PTPRB: variants seen among roughly 807,000 people sequenced by gnomAD.
PTPRB encodes receptor-type tyrosine-protein phosphatase beta.
In PTPRB, 97 loss-of-function variants were observed where a neutral mutation model predicts 238.1. The ratio of observed to expected loss-of-function variants is 0.41; its 90% CI spans 0.35 to 0.48. The LOEUF is 0.48. Ranked by LOEUF, PTPRB falls within the 20% of genes least tolerant of loss-of-function variation. The pLI is 0.30. For missense variants in PTPRB, 2,292 were observed against 2,681.9 expected (o/e 0.85, Z 3.21); for synonymous variants, 970 against 995.4 (o/e 0.97, Z 0.48).
intron 16 of PTPRB, 40 bp downstream of exon 16, chr12:70,562,804 A>G (rs1878666200): frequency 3.1e-6 from 5 of 1,596,976 alleles, no homozygotes; most frequent in African/African-American, 1.3e-5. Context: ...TACCGGGACA[A>G]TTCCCCCACG....
At position 70,525,772 on chromosome 12, in the gene PTPRB, G is replaced by A. The variant is rs570404107; in HGVS notation, c.6505-1181C>T. 4.6e-5 allele frequency among the ~76,000 whole-genome samples: 7 copies of A among 152,346 alleles called. No homozygotes were observed. The East Asian group carries it at 1.4e-3, about 29-fold the overall frequency. On this transcript the variant is annotated intron_variant, in intron 32 of 33. Coordinates refer to ENST00000334414, the MANE Select transcript of PTPRB (RefSeq NM_001109754.4). The stretch of plus-strand genomic sequence containing the variant: ...CCCTTGCTGAGCAACTGCTCAGAGG[G>A]AGTTGTGAGCAGTGAAGGAGACTGG...
intron 20 of PTPRB, 140 bp from the exon 21 acceptor site, chr12:70,553,160 G>T: frequency 9.5e-7 from 1 of 1,055,804 alleles, no homozygotes; most frequent in African/African-American, 1.6e-5. Context: ...CAATCTCAAA[G>T]AACGATGTGA....
chr12:70,551,138 C>T (rs1365048915), intron 21 of PTPRB, among the ~76,000 whole-genome samples: 2 of 152,156 alleles, frequency 1.3e-5, no homozygotes, highest in African/African-American at 4.8e-5. Context: ...TCAAGTGATT[C>T]GCCCACCTCG....
intron 33 of PTPRB, among the ~76,000 whole-genome samples, 194 bp downstream of exon 33, chr12:70,524,273 ATTTT>A (rs35772909): frequency 0.11 from 16,261 of 142,068 alleles, 1,218 homozygotes; most frequent in South Asian, 0.21. Context: ...ATGTCTGGCT[ATTTT>A]TTTTTTTTTT....
At chr12:70,543,532 TG>T (rs1185857134) in intron 22 of PTPRB, among the ~76,000 whole-genome samples, 8 of 152,328 alleles carry the variant, frequency 5.3e-5, no homozygotes, top group African/African-American at 1.4e-4. Flanking sequence ...CCCTTTAGCT[TG>T]AAATTGGGAG....
chr12:70,616,084 T>C (rs1884666469), intron 3 of PTPRB, among the ~76,000 whole-genome samples: 1 of 152,126 alleles, frequency 6.6e-6, no homozygotes, highest in Non-Finnish European at 1.5e-5. Flanking sequence ...TAATTGTCAG[T>C]GTCTTAATCT....
intron 3 of PTPRB, 91 bp downstream of exon 3, chr12:70,622,299 A>C (rs987813868): frequency 4.2e-5 from 65 of 1,530,734 alleles, no homozygotes; most frequent in Admixed American, 1.1e-4. Flanking sequence ...CCCCTACTGC[A>C]GCAGTGGCAT....
intron 16 of PTPRB, among the ~76,000 whole-genome samples, chr12:70,562,491 C>T (rs1878621013): frequency 6.6e-6 from 1 of 152,162 alleles, no homozygotes; most frequent in Non-Finnish European, 1.5e-5. Flanking sequence ...TCCTGCTCTC[C>T]TCTCCGTCTA....
chr12:70,558,547 A>G (rs370460322), intron 18 of PTPRB, among the ~76,000 whole-genome samples: 2 of 152,204 alleles, frequency 1.3e-5, no homozygotes, highest in Admixed American at 6.5e-5. Context: ...TTTGAGGGTG[A>G]TAGTATCTAT....
At chr12:70,557,150 A>C (rs563120598) in intron 18 of PTPRB, among the ~76,000 whole-genome samples, 10 of 152,342 alleles carry the variant, frequency 6.6e-5, no homozygotes, top group African/African-American at 2.4e-4. Flanking sequence ...CGAAAGAGGC[A>C]TTCTACGTAG....
chr12:70,570,669 T>C (rs1879925953), intron 13 of PTPRB, among the ~76,000 whole-genome samples: 1 of 152,154 alleles, frequency 6.6e-6, no homozygotes, highest in Non-Finnish European at 1.5e-5. Context: ...GTCTGGTTCA[T>C]GGTGAACTGT....
intron 10 of PTPRB, among the ~76,000 whole-genome samples, chr12:70,578,277 A>T (rs1025379202): frequency 6.6e-6 from 1 of 152,158 alleles, no homozygotes; most frequent in Non-Finnish European, 1.5e-5. Flanking sequence ...TACCTTTCAA[A>T]ATTATTTCAA....
At chr12:70,600,767 C>T (rs1883405804) in intron 4 of PTPRB, among the ~76,000 whole-genome samples, 1 of 152,194 alleles carries the variant, frequency 6.6e-6, no homozygotes, top group Non-Finnish European at 1.5e-5. Flanking sequence ...GTGATCATGG[C>T]TCACTGCAGT....
chr12:70,557,645 A>G (rs915774208), intron 18 of PTPRB, among the ~76,000 whole-genome samples: 1 of 152,216 alleles, frequency 6.6e-6, no homozygotes, highest in Non-Finnish European at 1.5e-5. Flanking sequence ...TCTCATGTGC[A>G]TAGTCTATCA....
chr12:70,606,136 G>A (rs1410905933), intron 4 of PTPRB, among the ~76,000 whole-genome samples: 3 of 152,168 alleles, frequency 2.0e-5, no homozygotes, highest in Non-Finnish European at 4.4e-5. Flanking sequence ...ATGAGATAAA[G>A]CTCTGTTGCC....
intron 9 of PTPRB, chr12:70,585,035 C>T (rs979242648): frequency 6.7e-6 from 1 of 150,226 alleles, no homozygotes; most frequent in Non-Finnish European, 1.5e-5. Context: ...GATCTCGACT[C>T]ATGCAACCTC....
chr12:70,551,318 T>C (rs960043268), intron 21 of PTPRB, among the ~76,000 whole-genome samples: 1 of 152,234 alleles, frequency 6.6e-6, no homozygotes, highest in Non-Finnish European at 1.5e-5. Context: ...TTGAAGTAAG[T>C]ATGACTAAAA....
chr12:70,627,434 A>C (rs1885256542), intron 2 of PTPRB, among the ~76,000 whole-genome samples: 1 of 152,240 alleles, frequency 6.6e-6, no homozygotes, highest in African/African-American at 2.4e-5. Context: ...TGAAAATAAA[A>C]AAGAAACTTT....
At chr12:70,625,256 C>A (rs1456100986) in intron 2 of PTPRB, among the ~76,000 whole-genome samples, 2 of 152,102 alleles carry the variant, frequency 1.3e-5, no homozygotes, top group Non-Finnish European at 2.9e-5. Flanking sequence ...AAATTTAAAG[C>A]AGTGGTTTGC....
Sources: allele counts gnomAD v4.1 joint callset (sites outside exome capture counted in the v4.1 genomes callset), GRCh38; gene constraint gnomAD v4.1.1; transcripts MANE v1.5; gene names NCBI Gene and HGNC (gene_info 2026-07-23, HGNC 2026-07-21).